Variants in IL10RA observed in about 807,000 individuals in gnomAD.
The protein encoded by IL10RA is interleukin 10 receptor subunit alpha.
IL10RA carries 18 observed loss-of-function variants against 29.6 expected under a neutral mutation model. That is an observed-to-expected ratio of 0.61 (90% confidence interval 0.42 to 0.90). The LOEUF (loss-of-function observed/expected upper bound fraction) is 0.90. IL10RA is among the 40% of genes least tolerant of loss of function. IL10RA has a pLI of 0.00. For synonymous variants in IL10RA, 292 were observed against 294.1 expected (o/e 0.99, Z 0.07); for missense variants, 634 against 716.6 (o/e 0.88, Z 1.32).
At chr11:117,988,572 G>A in intron 2 of IL10RA, 70 bp downstream of exon 2, 1 of 1,574,964 alleles carries the variant, frequency 6.3e-7, no homozygotes, top group Non-Finnish European at 8.7e-7. Context: ...CTCCTAGCAT[G>A]GGAAGATACC....
In IL10RA at chr11:117,993,329, C is replaced by T. The variant is rs376384182; in HGVS notation, c.456C>T (p.Pro152=). The T allele has an allele frequency of 1.5e-5, 24 of 1,613,582 alleles. No homozygotes were observed. The highest frequency in any genetic ancestry group is 2.7e-5 in the African/African-American group (2 of 74,884). ...AGCTACCCAGGCCCAAGATGGCCCC[C>T]GCAAATGACACATATGAAAGCATCT... ...KIQLPRPKMA[P]ANDTYESIFS... Residue 152 remains proline, a synonymous_variant, in exon 4 of 7, where the codon CCC becomes CCT. Transcript: ENST00000227752.
chr11:117,998,297 C>T (rs2058068970), intron 6 of IL10RA, among the ~76,000 whole-genome samples: 1 of 152,170 alleles, frequency 6.6e-6, no homozygotes. Flanking sequence ...AAACTGGTTT[C>T]AGTTATTTAC....
intron 3 of IL10RA, among the ~76,000 whole-genome samples, chr11:117,991,907 G>A (rs1248804143): frequency 6.6e-6 from 1 of 152,006 alleles, no homozygotes; most frequent in African/African-American, 2.4e-5. Context: ...GCTAATTTTT[G>A]TATTTTTAAT....
At chr11:117,995,292 T>C (rs950457819) in intron 5 of IL10RA, 2 of 443,430 alleles carry the variant, frequency 4.5e-6, no homozygotes, top group Non-Finnish European at 8.4e-6. Flanking sequence ...GCCTCGATTC[T>C]TACCTGCTGT....
At chr11:118,001,881 A>T (rs1242037442), downstream of IL10RA, 2 of 178,224 alleles carry the variant, frequency 1.1e-5, no homozygotes, top group Non-Finnish European at 2.4e-5. Context: ...AATGAAAGCG[A>T]TAAGGAGTGT....
intron 6 of IL10RA, among the ~76,000 whole-genome samples, chr11:117,996,956 T>C (rs888580525): frequency 6.6e-6 from 1 of 152,244 alleles, no homozygotes; most frequent in African/African-American, 2.4e-5. Flanking sequence ...TATAGCTCAA[T>C]CCCTTCATCT....
Position 117,995,698 on chromosome 11 carries a change from A to T in IL10RA, c.798A>T (p.Leu266=). 6.2e-7 allele frequency: 1 copy of T among 1,613,628 alleles called. No homozygotes were observed. Among genetic ancestry groups the T allele is most frequent in the African/African-American group, 1.3e-5 (1 of 75,018 alleles). ...LQLYVRRRKK[L]PSVLLFKKPS... ...TGTATGTGCGGCGCCGAAAGAAGCT[A>T]CCCAGTGTCCTGGTGAGTCTTGCAA... The change falls in exon 6 of 7, where the codon CTA becomes CTT. Residue 266 remains leucine, a synonymous_variant. Coordinates refer to ENST00000227752, the MANE Select transcript of IL10RA (RefSeq NM_001558.4).
In IL10RA at chr11:117,994,085, T is replaced by C; in HGVS notation, c.624T>C (p.Ser208=). The C allele has an allele frequency of 4.3e-6, 7 of 1,614,158 alleles. No individual in the cohort carries two copies. The highest frequency in any genetic ancestry group is 5.9e-6 in the Non-Finnish European group (7 of 1,179,978). ...VGEFCVQVKP[S]VASRSNKGMW... ...AGTTCTGTGTCCAGGTGAAACCATC[T>C]GTCGCTTCCCGAAGTAACAAGGGGA... Residue 208 remains serine (S), a synonymous_variant, in exon 5 of 7, where the codon TCT becomes TCC. Transcript: ENST00000227752.
In IL10RA at chr11:117,998,800, A is replaced by T. The variant is rs1241295240; in HGVS notation, c.896A>T (p.Glu299Val). 13 of 1,614,002 alleles carry T rather than the reference A, an allele frequency of 8.1e-6. No homozygotes were observed. The highest frequency in any genetic ancestry group is 1.1e-5 in the Non-Finnish European group (13 of 1,180,012). Residue 299 changes from glutamate (E) to valine (V), a missense_variant, in exon 7 of 7, where the codon GAG becomes GTG. Transcript: ENST00000227752. ...GACACCATCCACCCGCTTGATGAGG[A>T]GGCCTTTTTGAAGGTGTCCCCAGAG... is the stretch of plus-strand genomic sequence containing the variant. ...TQDTIHPLDE[E>V]AFLKVSPELK...
intron 6 of IL10RA, 126 bp downstream of exon 6, chr11:117,995,836 G>C: frequency 1.0e-6 from 1 of 988,906 alleles, no homozygotes; most frequent in East Asian, 2.6e-5. Context: ...CAGCCCTGAT[G>C]TGATTGGGAG....
At position 117,998,724 on chromosome 11, in the gene IL10RA, A is replaced by T; in HGVS notation, c.820A>T (p.Lys274Ter). 1 of 1,613,984 alleles carries T rather than the reference A, an allele frequency of 6.2e-7. No individual in the cohort carries two copies. The change falls in exon 7 of 7, where the codon AAG becomes TAG. Residue 274 changes from lysine to a stop codon, truncating the protein, a stop_gained. Coordinates refer to ENST00000227752, the MANE Select transcript of IL10RA (RefSeq NM_001558.4). LOFTEE classifies it low-confidence loss of function (END_TRUNC). ...KKLPSVLLFK[K>*]PSPFIFISQR... ...GCCCTCTCTTCCCCAGCTCTTCAAG[A>T]AGCCCAGCCCCTTCATCTTCATCAG...
chr11:117,986,396 T>C lies in IL10RA; in HGVS notation c.-72T>C, dbSNP rs2057985312. The C allele has an allele frequency of 1.4e-6, 2 of 1,432,788 alleles. No individual in the cohort carries two copies. Among genetic ancestry groups the C allele is most frequent in the East Asian group, 5.0e-5 (2 of 40,364 alleles). The allele number at this position is 1,432,788 out of a possible 1,614,324, so 88.8% of individuals were successfully genotyped here. ...GCGGAGCGGGCGGCGGAGCTGTCAG[T>C]CCCAGCCCAAGGGTAGCTGGAGGCG... is the stretch of plus-strand genomic sequence containing the variant. On this transcript the variant is annotated 5_prime_UTR_variant, in exon 1 of 7. Transcript: ENST00000227752.
chr11:117,987,029 C>T (rs2057991029), intron 1 of IL10RA: 1 of 399,876 alleles, frequency 2.5e-6, no homozygotes. Context: ...CTCCCACTGC[C>T]CCCTGCCTCT....
In IL10RA at chr11:117,993,389, C is replaced by T. The variant is rs761890277; in HGVS notation, c.516C>T (p.Arg172=). 4.3e-6 allele frequency: 7 copies of T among 1,614,206 alleles called. 1 individual carries two copies. In the South Asian group the frequency reaches 7.7e-5, roughly 18 times the overall value. ...TCCGAGAGTATGAGATTGCCATTCG[C>T]AAGGTGCCGGGAAACTTCACGGTAT... ...SHFREYEIAI[R]KVPGNFTFTH... The change falls in exon 4 of 7, where the codon CGC becomes CGT. Residue 172 remains arginine (R), a synonymous_variant. Coordinates refer to ENST00000227752, the MANE Select transcript of IL10RA (RefSeq NM_001558.4).
Position 117,993,479 on chromosome 11 carries a change from C to A in IL10RA, c.537+69C>A, listed in dbSNP as rs1473418944. On this transcript the variant is annotated intron_variant, in intron 4 of 6. Transcript: ENST00000227752. ...TCCCTGTCCCCTGGGCTGGAAGCAC[C>A]CTTGTGTGCCATTGGGAACTTTGCT... The A allele has an allele frequency of 3.1e-5, 43 of 1,384,388 alleles. No individual in the cohort carries two copies. In the Admixed American group the frequency reaches 6.9e-4, roughly 22 times the overall value. 85.8% of individuals were successfully genotyped at this position (1,384,388 alleles called of 1,614,324 possible).
intron 1 of IL10RA, chr11:117,986,903 C>G (rs1254929015): frequency 8.3e-7 from 1 of 1,209,644 alleles, no homozygotes; most frequent in African/African-American, 1.5e-5. Flanking sequence ...CCTGACTCTC[C>G]CTTCTCTTAG....
intron 5 of IL10RA, chr11:117,995,085 G>T (rs2058047299): frequency 1.2e-5 from 2 of 172,404 alleles, no homozygotes; most frequent in Admixed American, 1.1e-4. Context: ...ATGTAAAAAT[G>T]GGGCTGATGA....
chr11:118,001,667 C>A (rs2058096672), downstream of IL10RA: 7 of 320,008 alleles, frequency 2.2e-5, no homozygotes, highest in South Asian at 1.9e-4. Flanking sequence ...GACCTTGGGC[C>A]CATTACTTAT....
At chr11:117,997,499 G>A (rs2058063765) in intron 6 of IL10RA, among the ~76,000 whole-genome samples, 1 of 152,198 alleles carries the variant, frequency 6.6e-6, no homozygotes, top group South Asian at 2.1e-4. Flanking sequence ...ACCAAGCAAT[G>A]TGATAGGAAT....
Sources: gnomAD v4.1 joint callset for allele counts (sites outside exome capture counted in the v4.1 genomes callset) on GRCh38, gnomAD v4.1.1 for gene constraint, MANE v1.5 for transcripts, NCBI Gene and HGNC (gene_info 2026-07-23, HGNC 2026-07-21) for gene names.